TMEM181: variants seen among roughly 807,000 people sequenced by gnomAD.
The protein encoded by TMEM181 is G protein-coupled receptor 178.
Under a neutral mutation model 71.9 loss-of-function variants are expected in TMEM181, and 39 were observed. The ratio of observed to expected loss-of-function variants is 0.54; its 90% CI spans 0.42 to 0.71. The LOEUF is 0.71. Among genes scored for constraint, TMEM181 ranks in the 30% least tolerant of loss-of-function variants. The probability of loss-of-function intolerance (pLI) is 0.00; values close to 1 mark genes in which losing one functional copy is unlikely to be tolerated. For missense variants in TMEM181, 595 were observed against 583.0 expected, an observed-to-expected ratio of 1.02 and a Z score of -0.21; for synonymous variants, 245 against 228.8, an observed-to-expected ratio of 1.07 and a Z score of -0.64.
rs140293840 is a variant in TMEM181 at position 158,610,645 on chromosome 6, G to T, written c.896+1895G>T. Reference sequence around the variant, plus strand: ...CCGAGCTTCTGGAGAAGTGAAATGAGTGAGAATTCTGGGAGCTGCCTTCCT... The same window carrying T: ...CCGAGCTTCTGGAGAAGTGAAATGATTGAGAATTCTGGGAGCTGCCTTCCT... On this transcript the variant is annotated intron_variant, in intron 10 of 16. Transcript: ENST00000684151. 1.3e-3 allele frequency: 391 copies of T among 306,468 alleles called. 4 individuals are homozygous for T. The highest frequency in any genetic ancestry group is 2.1e-3 in the Non-Finnish European group (334 of 161,214). 19.0% of individuals were successfully genotyped at this position (306,468 alleles called of 1,614,324 possible).
exon 1 of TMEM181, chr6:158,536,648 G>T: frequency 6.8e-7 from 1 of 1,474,812 alleles, no homozygotes. Context: ...CCAGCAGCCC[G>T]ATCCCCAGTG....
chr6:158,597,132 A>G (rs578009480), intron 6 of TMEM181, among the ~76,000 whole-genome samples: 1 of 152,196 alleles, frequency 6.6e-6, no homozygotes, highest in African/African-American at 2.4e-5. Context: ...TCCATCTGGC[A>G]CTGTTGTTGA....
At chr6:158,562,814 A>G (rs1030737388) in intron 1 of TMEM181, among the ~76,000 whole-genome samples, 3 of 152,232 alleles carry the variant, frequency 2.0e-5, no homozygotes, top group South Asian at 2.1e-4. Flanking sequence ...CCATGTAGCA[A>G]GTGCCGTCGT....
At chr6:158,565,712 G>C (rs1013753310) in intron 1 of TMEM181, among the ~76,000 whole-genome samples, 1 of 152,246 alleles carries the variant, frequency 6.6e-6, no homozygotes, top group East Asian at 1.9e-4. Flanking sequence ...GCTGGCCTCT[G>C]GGGGTGGGAG....
At chr6:158,569,233 C>CTTGGCCCA (rs1191460178) in intron 1 of TMEM181, among the ~76,000 whole-genome samples, 1 of 152,222 alleles carries the variant, frequency 6.6e-6, no homozygotes, top group Non-Finnish European at 1.5e-5. Flanking sequence ...TGGGTGCTGC[C>CTTGGCCCA]TTGGCCCATG....
intron 1 of TMEM181, among the ~76,000 whole-genome samples, chr6:158,539,791 T>C (rs1781270743): frequency 6.6e-6 from 1 of 152,186 alleles, no homozygotes; most frequent in African/African-American, 2.4e-5. Flanking sequence ...AGGCCAGGGA[T>C]CTGAAATCCT....
intron 1 of TMEM181, among the ~76,000 whole-genome samples, chr6:158,553,874 C>G (rs1038014730): frequency 2.0e-5 from 3 of 152,072 alleles, no homozygotes; most frequent in African/African-American, 4.8e-5. Flanking sequence ...AACAGGTCCT[C>G]AAATGATGTC....
intron 1 of TMEM181, among the ~76,000 whole-genome samples, chr6:158,554,523 G>A (rs1781818448): frequency 6.6e-6 from 1 of 152,184 alleles, no homozygotes; most frequent in South Asian, 2.1e-4. Context: ...CCTGGCCAAT[G>A]CTGTTTCATT....
intron 1 of TMEM181, among the ~76,000 whole-genome samples, chr6:158,564,773 C>T (rs753539357): frequency 6.6e-6 from 1 of 152,152 alleles, no homozygotes; most frequent in Non-Finnish European, 1.5e-5. Context: ...AGTGGGGAGC[C>T]AGGCTGTCAG....
At chr6:158,593,885 A>C (rs1784247229) in intron 6 of TMEM181, among the ~76,000 whole-genome samples, 1 of 152,090 alleles carries the variant, frequency 6.6e-6, no homozygotes. Flanking sequence ...TACATTTGTT[A>C]CAGTTAATGA....
chr6:158,584,403 C>T (rs949640767), intron 4 of TMEM181, among the ~76,000 whole-genome samples: 3 of 152,170 alleles, frequency 2.0e-5, no homozygotes, highest in Admixed American at 2.0e-4. Flanking sequence ...GAGACAATTT[C>T]GTCACACACG....
intron 3 of TMEM181, among the ~76,000 whole-genome samples, chr6:158,582,967 G>A (rs1025966069): frequency 1.7e-4 from 26 of 152,194 alleles, no homozygotes; most frequent in African/African-American, 6.3e-4. Flanking sequence ...GGGCGCAGTG[G>A]CTCATGCTTG....
intron 15 of TMEM181, among the ~76,000 whole-genome samples, chr6:158,631,067 T>C (rs1562318276): frequency 6.6e-6 from 1 of 152,244 alleles, no homozygotes; most frequent in African/African-American, 2.4e-5. Context: ...GCGTGGGCAA[T>C]GGCAGCCTGC....
chr6:158,550,713 C>A (rs1189495358), intron 1 of TMEM181, among the ~76,000 whole-genome samples: 1 of 151,502 alleles, frequency 6.6e-6, no homozygotes, highest in Non-Finnish European at 1.5e-5. Context: ...CAGAGTAGTC[C>A]CCAATTTTAG....
At chr6:158,628,331 T>C (rs779922227) in intron 13 of TMEM181, 77 bp from the exon 14 acceptor site, 1 of 1,367,898 alleles carries the variant, frequency 7.3e-7, no homozygotes, top group East Asian at 2.3e-5. Flanking sequence ...TTGAATGGGG[T>C]GAATAGAGAA....
chr6:158,622,003 G>A (rs750341061), intron 10 of TMEM181, among the ~76,000 whole-genome samples: 7 of 152,098 alleles, frequency 4.6e-5, no homozygotes, highest in Non-Finnish European at 7.4e-5. Context: ...AGAGCCAGCC[G>A]CACCCCTGAA....
At position 158,605,302 on chromosome 6, in the gene TMEM181, A is replaced by C. The variant is rs755930110; in HGVS notation, c.528A>C (p.Glu176Asp). ...ATAACCCTGCCTTCTCCCGGTTGGA[A>C]ATCTGGTTCCGGTTTTTCTTTGTGG... ...KTYNPAFSRLEIWFRFFFVVL... is the reference protein window; with the variant it reads ...KTYNPAFSRLDIWFRFFFVVL... The change falls in exon 7 of 17, where the codon GAA (glutamate) becomes GAC (aspartate). Residue 176 changes from glutamate to aspartate, a missense_variant. Physicochemically the swap from Glu to Asp is conservative, Grantham distance 45 (BLOSUM62 2). Transcript: ENST00000684151. 10 of 1,613,886 alleles carry C rather than the reference A, an allele frequency of 6.2e-6. No homozygotes were observed. Among genetic ancestry groups the C allele is most frequent in the Non-Finnish European group, 8.5e-6 (10 of 1,180,000 alleles).
chr6:158,576,868 C>A (rs921636648), intron 2 of TMEM181, among the ~76,000 whole-genome samples: 2 of 151,916 alleles, frequency 1.3e-5, no homozygotes, highest in Non-Finnish European at 2.9e-5. Flanking sequence ...CGAGACCATC[C>A]TGGCTAACAT....
chr6:158,569,386 A>G (rs887800694), intron 1 of TMEM181, among the ~76,000 whole-genome samples: 4 of 152,176 alleles, frequency 2.6e-5, no homozygotes, highest in African/African-American at 9.7e-5. Flanking sequence ...AGGCGGTTAT[A>G]CCCAGCTTAC....
Sources: gnomAD v4.1 joint callset for allele counts (sites outside exome capture counted in the v4.1 genomes callset) on GRCh38, gnomAD v4.1.1 for gene constraint, MANE v1.5 for transcripts, NCBI Gene and HGNC (gene_info 2026-07-23, HGNC 2026-07-21) for gene names.